Variants in VWA8 observed in about 807,000 individuals in gnomAD.
The protein encoded by VWA8 is von Willebrand factor A domain containing 8.
Under a neutral mutation model 241.5 loss-of-function variants are expected in VWA8, and 221 were observed. That is an observed-to-expected ratio of 0.91 (90% CI 0.82 to 1.02). The LOEUF is 1.02. Ranked by LOEUF, VWA8 falls within the 50% of genes least tolerant of loss-of-function variation. The pLI is 0.00. For synonymous variants in VWA8, 852 were observed against 827.1 expected (o/e 1.03, Z -0.52); for missense variants, 2,322 against 2,328.7 (o/e 1.00, Z 0.06).
intron 34 of VWA8, 29 bp from the exon 35 acceptor site, chr13:41,685,271 G>C (rs761491701): frequency 3.4e-5 from 55 of 1,596,526 alleles, no homozygotes; most frequent in Non-Finnish European, 4.5e-5. Context: ...TTAAAGTACT[G>C]AAGTACCATA....
intron 37 of VWA8, among the ~76,000 whole-genome samples, chr13:41,670,309 T>G (rs920935486): frequency 1.3e-5 from 2 of 151,422 alleles, no homozygotes; most frequent in African/African-American, 4.9e-5. Context: ...ATTCTTCAAA[T>G]TAGTTCCAGA....
chr13:41,884,162 T>C (rs1223475385), intron 8 of VWA8, among the ~76,000 whole-genome samples: 1 of 152,196 alleles, frequency 6.6e-6, no homozygotes, highest in Non-Finnish European at 1.5e-5. Context: ...CATACTGATA[T>C]GGTTTGGCTG....
At position 41,912,170 on chromosome 13, in the gene VWA8, T is replaced by C. The variant is rs1311685170; in HGVS notation, c.242-2A>G. ...CAGATTGAGCCAGAGAGTCTGAAAC[T>C]ATAAAGAAAAAAGAGAAAATGAAGT... On this transcript the variant is annotated splice_acceptor_variant, in intron 2 of 44. Coordinates refer to ENST00000379310, the MANE Select transcript of VWA8 (RefSeq NM_015058.2). LOFTEE classifies it high-confidence loss of function. 2.5e-6 allele frequency: 4 copies of C among 1,577,458 alleles called. No individual in the cohort carries two copies. Among genetic ancestry groups the C allele is most frequent in the Non-Finnish European group, 2.6e-6 (3 of 1,162,862 alleles).
intron 42 of VWA8, among the ~76,000 whole-genome samples, chr13:41,585,692 C>T (rs1376082354): frequency 6.6e-6 from 1 of 151,636 alleles, no homozygotes; most frequent in Admixed American, 6.6e-5. Flanking sequence ...GGTGAAACCC[C>T]ATCTCTACTA....
chr13:41,849,719 T>C (rs1872445534), intron 12 of VWA8, among the ~76,000 whole-genome samples: 1 of 151,954 alleles, frequency 6.6e-6, no homozygotes. Context: ...AAACCCTGTC[T>C]CTACTAAAAA....
At chr13:41,741,639 G>C (rs1358039979) in intron 21 of VWA8, among the ~76,000 whole-genome samples, 2 of 151,888 alleles carry the variant, frequency 1.3e-5, no homozygotes, top group Non-Finnish European at 2.9e-5. Context: ...CTTCAACATT[G>C]TAGGCATGCA....
intron 42 of VWA8, among the ~76,000 whole-genome samples, chr13:41,586,427 G>GTATT (rs2044418552): frequency 6.6e-6 from 1 of 152,158 alleles, no homozygotes; most frequent in Admixed American, 6.5e-5. Flanking sequence ...TGTCTTATTT[G>GTATT]TATTTGTATC....
At chr13:41,847,967 C>G (rs1872361368) in intron 12 of VWA8, among the ~76,000 whole-genome samples, 1 of 152,172 alleles carries the variant, frequency 6.6e-6, no homozygotes, top group Admixed American at 6.5e-5. Flanking sequence ...AATGCATTTT[C>G]CACCAAAGGC....
At chr13:41,591,982 T>C (rs1183946202) in intron 40 of VWA8, among the ~76,000 whole-genome samples, 2 of 146,420 alleles carry the variant, frequency 1.4e-5, no homozygotes, top group African/African-American at 5.0e-5. Flanking sequence ...ACCCAAAGGA[T>C]TATAAATCAT....
At chr13:41,907,462 G>T (rs934797404) in intron 4 of VWA8, 124 bp downstream of exon 4, 8 of 740,274 alleles carry the variant, frequency 1.1e-5, no homozygotes, top group African/African-American at 8.8e-5. Context: ...AATTAAATCT[G>T]TCTAGAGAGA....
chr13:41,762,966 T>C (rs1036119483), intron 20 of VWA8, among the ~76,000 whole-genome samples: 5 of 151,992 alleles, frequency 3.3e-5, no homozygotes, highest in African/African-American at 4.8e-5. Flanking sequence ...GCTGAAATTA[T>C]GGACTTATAA....
At chr13:41,596,217 T>G (rs1231632759) in intron 40 of VWA8, among the ~76,000 whole-genome samples, 4 of 152,160 alleles carry the variant, frequency 2.6e-5, no homozygotes, top group Non-Finnish European at 4.4e-5. Context: ...CACTGTTCAT[T>G]AGTTTTCAAG....
chr13:41,876,702 A>G (rs145099912), intron 9 of VWA8, among the ~76,000 whole-genome samples: 1 of 152,274 alleles, frequency 6.6e-6, no homozygotes, highest in East Asian at 1.9e-4. Context: ...GGAAGGATGG[A>G]TGGAATGAAT....
Position 41,608,660 on chromosome 13 carries a change from T to C in VWA8, c.4877+2916A>G, listed in dbSNP as rs967377351. Among the ~76,000 whole-genome samples the C allele has an allele frequency of 2.6e-5, 4 of 152,214 alleles. No individual in the cohort carries two copies. The East Asian group carries it at 7.7e-4, about 29-fold the overall frequency. ...CTTAGATCCACTGTGTGAGGCTGAT[T>C]AGTTTTGCAAATGGTAGTGGATGCA... On this transcript the variant is annotated intron_variant, in intron 39 of 44. Coordinates refer to ENST00000379310, the MANE Select transcript of VWA8 (RefSeq NM_015058.2).
intron 7 of VWA8, among the ~76,000 whole-genome samples, chr13:41,886,487 C>T (rs1011808274): frequency 2.6e-5 from 4 of 152,164 alleles, no homozygotes; most frequent in African/African-American, 9.7e-5. Context: ...ATTTCAAACA[C>T]CAATGCTTTT....
At chr13:41,912,400 T>G (rs938415588) in intron 2 of VWA8, among the ~76,000 whole-genome samples, 1 of 152,116 alleles carries the variant, frequency 6.6e-6, no homozygotes, top group Non-Finnish European at 1.5e-5. Context: ...AAACCATTAT[T>G]GTCGATGCTA....
At chr13:41,583,602 C>T (rs1162858092) in intron 42 of VWA8, among the ~76,000 whole-genome samples, 1 of 145,152 alleles carries the variant, frequency 6.9e-6, no homozygotes, top group African/African-American at 2.6e-5. Flanking sequence ...GAGATCACGC[C>T]ACTGCACTCC....
chr13:41,645,967 T>A (rs1175304938), intron 37 of VWA8, among the ~76,000 whole-genome samples: 2 of 142,524 alleles, frequency 1.4e-5, no homozygotes, highest in African/African-American at 2.6e-5. Context: ...TTTTCCTGAT[T>A]TTTTTTTTTT....
chr13:41,637,334 G>A (rs55824488), intron 37 of VWA8, among the ~76,000 whole-genome samples: 42,117 of 147,448 alleles, frequency 0.29, 7,307 homozygotes, highest in Non-Finnish European at 0.39. Context: ...AACACCGCAT[G>A]TTCTCACTCA....
Sources: gnomAD v4.1 joint callset for allele counts (sites outside exome capture counted in the v4.1 genomes callset) on GRCh38, gnomAD v4.1.1 for gene constraint, MANE v1.5 for transcripts, NCBI Gene and HGNC (gene_info 2026-07-23, HGNC 2026-07-21) for gene names.